The following DSCAM variants were observed in gnomAD, a reference collection of about 807,000 sequenced individuals.
DSCAM encodes the protein cell adhesion molecule DSCAM.
A neutral mutation model predicts 217.7 loss-of-function variants in DSCAM; 47 were observed. The observed-to-expected ratio is 0.22, with a 90% confidence interval of 0.17 to 0.28. The LOEUF (loss-of-function observed/expected upper bound fraction) is 0.28, where lower values mean the gene tolerates loss of function less well. DSCAM is among the 10% of genes least tolerant of loss of function. The pLI is 1.00. For missense variants in DSCAM, 2,080 were observed against 2,618.3 expected (o/e 0.79, Z 4.49); for synonymous variants, 1,056 against 1,015.3 (o/e 1.04, Z -0.76).
intron 1 of DSCAM, among the ~76,000 whole-genome samples, chr21:40,795,522 A>T (rs911082714): frequency 2.0e-5 from 3 of 152,206 alleles, no homozygotes; most frequent in African/African-American, 7.2e-5. Flanking sequence ...ATAACAGTGA[A>T]TGAGGGCGTC....
At chr21:40,357,827 G>A (rs1006056872) in intron 4 of DSCAM, among the ~76,000 whole-genome samples, 8 of 150,620 alleles carry the variant, frequency 5.3e-5, no homozygotes, top group East Asian at 3.9e-4. Flanking sequence ...GAACCTGCAC[G>A]TTGTGCACAT....
At chr21:40,378,217 A>G (rs982445652) in intron 3 of DSCAM, among the ~76,000 whole-genome samples, 2 of 152,252 alleles carry the variant, frequency 1.3e-5, no homozygotes, top group African/African-American at 2.4e-5. Flanking sequence ...GTTTTAATTA[A>G]TTGCTGAACA....
chr21:40,544,475 T>G (rs4818140), intron 3 of DSCAM, among the ~76,000 whole-genome samples: 18,010 of 152,154 alleles, frequency 0.12, 1,130 homozygotes, highest in Middle Eastern at 0.21. Flanking sequence ...AATTAGTGTC[T>G]TCGTAAGAAG....
intron 11 of DSCAM, among the ~76,000 whole-genome samples, chr21:40,203,288 A>G (rs2091089921): frequency 6.6e-6 from 1 of 152,244 alleles, no homozygotes; most frequent in Non-Finnish European, 1.5e-5. Context: ...GTTTGCAGAT[A>G]TCTACCATAC....
chr21:40,827,226 A>G (rs2091975861), intron 1 of DSCAM, among the ~76,000 whole-genome samples: 1 of 152,280 alleles, frequency 6.6e-6, no homozygotes, highest in South Asian at 2.1e-4. Context: ...GAGAGTGAAC[A>G]TGAGGAAATC....
chr21:40,230,897 G>A (rs73225009), intron 11 of DSCAM, among the ~76,000 whole-genome samples: 3 of 152,026 alleles, frequency 2.0e-5, no homozygotes, highest in Non-Finnish European at 4.4e-5. Flanking sequence ...CCAAGTGTCT[G>A]CCTCTCTTCC....
intron 8 of DSCAM, among the ~76,000 whole-genome samples, chr21:40,323,176 C>T (rs912845973): frequency 4.1e-4 from 62 of 152,156 alleles, no homozygotes; most frequent in African/African-American, 1.5e-3. Flanking sequence ...ACTCTTTCTT[C>T]GCCCAGTCCT....
intron 3 of DSCAM, among the ~76,000 whole-genome samples, chr21:40,402,974 C>CT (rs970422628): frequency 2.0e-5 from 3 of 151,210 alleles, no homozygotes; most frequent in African/African-American, 7.3e-5. Context: ...ATTATACCCC[C>CT]CCACCCCATA....
intron 9 of DSCAM, among the ~76,000 whole-genome samples, chr21:40,298,712 C>G (rs188546634): frequency 5.9e-5 from 9 of 152,240 alleles, no homozygotes; most frequent in African/African-American, 1.9e-4. Flanking sequence ...GAAGGAAAAT[C>G]TGCAGCCATC....
chr21:40,419,802 A>G (rs997188443), intron 3 of DSCAM, among the ~76,000 whole-genome samples: 23 of 152,204 alleles, frequency 1.5e-4, no homozygotes, highest in Non-Finnish European at 2.6e-4. Flanking sequence ...AAAGTCTCAC[A>G]TTATTGTTAT....
At chr21:40,693,975 G>C (rs1191803367) in intron 2 of DSCAM, among the ~76,000 whole-genome samples, 1 of 152,136 alleles carries the variant, frequency 6.6e-6, no homozygotes, top group Non-Finnish European at 1.5e-5. Flanking sequence ...TCTATACCAT[G>C]GGGATGATGT....
At chr21:40,469,830 C>A (rs1348932212) in intron 3 of DSCAM, among the ~76,000 whole-genome samples, 1 of 152,022 alleles carries the variant, frequency 6.6e-6, no homozygotes, top group Non-Finnish European at 1.5e-5. Flanking sequence ...TTCTTTATAA[C>A]CATATGACAT....
chr21:40,064,729 G>C (rs2089180895), intron 27 of DSCAM, among the ~76,000 whole-genome samples: 1 of 152,218 alleles, frequency 6.6e-6, no homozygotes, highest in African/African-American at 2.4e-5. Flanking sequence ...GAGCCCATTT[G>C]AGAAGTAAAG....
chr21:40,307,572 C>T (rs1255603496), intron 9 of DSCAM, among the ~76,000 whole-genome samples: 2 of 152,242 alleles, frequency 1.3e-5, no homozygotes, highest in South Asian at 4.2e-4. Context: ...ACCCAGCCAT[C>T]CCATTACTGG....
chr21:40,252,101 G>A (rs1205270366), intron 11 of DSCAM, among the ~76,000 whole-genome samples: 1 of 152,158 alleles, frequency 6.6e-6, no homozygotes, highest in South Asian at 2.1e-4. Flanking sequence ...CATTGAGAAA[G>A]CTGTTTGTTT....
chr21:40,649,067 A>G (rs529854571), intron 3 of DSCAM, among the ~76,000 whole-genome samples: 1 of 151,796 alleles, frequency 6.6e-6, no homozygotes, highest in Admixed American at 6.6e-5. Context: ...AAAATTCTGC[A>G]TCACTGTGAT....
At chr21:40,183,129 A>G (rs7278165) in intron 14 of DSCAM, among the ~76,000 whole-genome samples, 13,127 of 46,014 alleles carry the variant, frequency 0.29, 4,728 homozygotes, top group African/African-American at 0.62. Flanking sequence ...TGGACAGGAG[A>G]GGCAACAAGA....
Position 40,637,542 on chromosome 21 carries a change from CATAT to C in DSCAM, c.508+55264_508+55267del, listed in dbSNP as rs1234662768. 2.0e-4 allele frequency among the ~76,000 whole-genome samples: 4 copies of C among 19,822 alleles called. 1 individual carries two copies. The highest frequency in any genetic ancestry group is 1.2e-3 in the East Asian group (1 of 844). 13.0% of individuals were successfully genotyped at this position (19,822 alleles called of 152,430 possible). On this transcript the variant is annotated intron_variant, in intron 3 of 32. Coordinates refer to ENST00000400454, the MANE Select transcript of DSCAM (RefSeq NM_001389.5). ...ATATATATAAATATATACATATATA[CATAT>C]ATATAAATATATACATATATAAATA...
At chr21:40,259,275 T>TTCTC (rs1555895624) in intron 11 of DSCAM, among the ~76,000 whole-genome samples, 1 of 128,998 alleles carries the variant, frequency 7.8e-6, no homozygotes, top group East Asian at 2.0e-4. Flanking sequence ...TTTAATGAAC[T>TTCTC]CTTTTTTTTT....
Sources: gnomAD v4.1 joint callset for allele counts (sites outside exome capture counted in the v4.1 genomes callset) on GRCh38, gnomAD v4.1.1 for gene constraint, MANE v1.5 for transcripts, NCBI Gene and HGNC (gene_info 2026-07-23, HGNC 2026-07-21) for gene names.